The following GPR83 variants were observed in gnomAD, a reference collection of about 807,000 sequenced individuals.
GPR83 encodes the protein G protein-coupled receptor 83, also known as G-protein coupled receptor 72.
GPR83 carries 23 observed loss-of-function variants against 28.0 expected under a neutral mutation model. That is an observed-to-expected ratio of 0.82 (90% confidence interval 0.59 to 1.16). The LOEUF is 1.16. Among genes scored for constraint, GPR83 ranks in the 50% most tolerant of loss-of-function variants. The pLI is 0.00. For missense variants in GPR83, 610 were observed against 536.6 expected (o/e 1.14, Z -1.35); for synonymous variants, 234 against 215.4 (o/e 1.09, Z -0.76).
chr11:94,385,845 G>C (rs1045203325), intron 3 of GPR83, among the ~76,000 whole-genome samples: 2 of 152,136 alleles, frequency 1.3e-5, no homozygotes, highest in African/African-American at 4.8e-5. Context: ...GAAATACAGA[G>C]AATGCCACAA....
chr11:94,393,036 T>A (rs1944832219), intron 3 of GPR83, among the ~76,000 whole-genome samples: 1 of 152,078 alleles, frequency 6.6e-6, no homozygotes, highest in Non-Finnish European at 1.5e-5. Flanking sequence ...GACGTTCTCA[T>A]TCAGTGATAG....
intron 1 of GPR83, among the ~76,000 whole-genome samples, chr11:94,398,421 CT>C (rs1408411377): frequency 2.6e-5 from 4 of 152,198 alleles, no homozygotes; most frequent in Admixed American, 2.6e-4. Flanking sequence ...ACAAAGTGAA[CT>C]TTGATGCTTC....
chr11:94,380,444 A>G lies in GPR83; in HGVS notation c.977T>C (p.Leu326Pro). ...GGCAAACCAGTGGAAGGCAAAGTAG[A>G]GGGCATTGTTGGTGCGGATGACCTT... ...SSKVIRTNNA[L>P]YFAFHWFAMS... Residue 326 changes from leucine to proline, a missense_variant, in exon 4 of 4, where the codon CTC becomes CCC. Physicochemically the swap from Leu to Pro is moderately conservative, Grantham distance 98. Transcript: ENST00000243673. 1 of 1,614,170 alleles carries G rather than the reference A, an allele frequency of 6.2e-7. No homozygotes were observed. Among genetic ancestry groups the G allele is most frequent in the Non-Finnish European group, 8.5e-7 (1 of 1,180,004 alleles).
chr11:94,381,558 A>AGT (rs56180709), intron 3 of GPR83, among the ~76,000 whole-genome samples: 14,367 of 148,002 alleles, frequency 0.097, 716 homozygotes, highest in South Asian at 0.19. Context: ...GGAGTGAGTG[A>AGT]GTGTGTGTGT....
chr11:94,399,759 T>C lies in GPR83; in HGVS notation c.387+1102A>G, dbSNP rs140948508. 2.9e-3 allele frequency among the ~76,000 whole-genome samples: 436 copies of C among 152,328 alleles called. 3 individuals carry two copies. Among genetic ancestry groups the C allele is most frequent in the African/African-American group, 9.9e-3 (413 of 41,572 alleles). On this transcript the variant is annotated intron_variant, in intron 1 of 3. Coordinates refer to ENST00000243673, the MANE Select transcript of GPR83 (RefSeq NM_016540.4). Reference sequence around the variant, plus strand: ...AGTAATCACTCAAATGACAAAGTTATTCCATAAAATGAAAAAATATAACAC... The same window carrying C: ...AGTAATCACTCAAATGACAAAGTTACTCCATAAAATGAAAAAATATAACAC...
intron 2 of GPR83, among the ~76,000 whole-genome samples, chr11:94,395,110 A>C (rs1944853724): frequency 6.6e-6 from 1 of 152,210 alleles, no homozygotes; most frequent in African/African-American, 2.4e-5. Flanking sequence ...AGAGATAAAG[A>C]GATCTCAAAT....
At chr11:94,395,325 T>TC (rs1944855897) in intron 2 of GPR83, among the ~76,000 whole-genome samples, 1 of 152,204 alleles carries the variant, frequency 6.6e-6, no homozygotes, top group African/African-American at 2.4e-5. Context: ...AAGCCTCCTA[T>TC]CCCGTGGTCC....
In GPR83 at chr11:94,379,279, G is replaced by A. The variant is rs1944655999; in HGVS notation, c.*870C>T. 2 of 150,868 alleles carry A rather than the reference G, an allele frequency of 1.3e-5. No individual in the cohort carries two copies. The highest frequency in any genetic ancestry group is 6.6e-5 in the Admixed American group (1 of 15,134). The allele number at this position is 150,868 out of a possible 1,614,324, so 9.3% of individuals were successfully genotyped here. On this transcript the variant is annotated 3_prime_UTR_variant, in exon 4 of 4. Transcript: ENST00000243673. ...CCAGCTACTAGGGAGGCTGAGGCAG[G>A]AGAACGGCATGAACCTGGGAGGCAG... is the stretch of plus-strand genomic sequence containing the variant.
intron 3 of GPR83, among the ~76,000 whole-genome samples, chr11:94,384,592 C>T (rs959552188): frequency 6.6e-6 from 1 of 152,114 alleles, no homozygotes; most frequent in African/African-American, 2.4e-5. Context: ...CTTTCCTAGC[C>T]AAGGAAAGGG....
rs1944906784 is a variant in GPR83 at position 94,401,061 on chromosome 11, C to A, written c.187G>T (p.Ala63Ser). 3.7e-6 allele frequency: 6 copies of A among 1,614,200 alleles called. No homozygotes were observed. The highest frequency in any genetic ancestry group is 5.1e-6 in the Non-Finnish European group (6 of 1,179,996). ...QNFVGRRRYG[A>S]ESQNPTVKAL... ...TTCACCGTGGGGTTCTGGGACTCAG[C>A]GCCGTAGCGCCTCCTGCCCACAAAG... The change falls in exon 1 of 4, where the codon GCT (alanine) becomes TCT (serine). Residue 63 changes from alanine to serine, a missense_variant. Ala to Ser is a moderately conservative substitution (Grantham distance 99). Coordinates refer to ENST00000243673, the MANE Select transcript of GPR83 (RefSeq NM_016540.4).
chr11:94,389,181 G>T (rs1591604746), intron 3 of GPR83, among the ~76,000 whole-genome samples: 1 of 152,148 alleles, frequency 6.6e-6, no homozygotes, highest in Admixed American at 6.5e-5. Flanking sequence ...ATTCAAGATG[G>T]ATTAAAGACT....
At chr11:94,400,770 G>C (rs1944903552) in intron 1 of GPR83, 91 bp downstream of exon 1, 1 of 1,172,510 alleles carries the variant, frequency 8.5e-7, no homozygotes, top group Middle Eastern at 2.4e-4. Flanking sequence ...GACCCACAGG[G>C]AGACGCAGAA....
At chr11:94,394,935 TG>T (rs1944852210) in intron 2 of GPR83, among the ~76,000 whole-genome samples, 1 of 152,192 alleles carries the variant, frequency 6.6e-6, no homozygotes, top group Non-Finnish European at 1.5e-5. Flanking sequence ...TGCGTTAATC[TG>T]GGGTAAGCAT....
chr11:94,386,047 C>T (rs1944751361), intron 3 of GPR83, among the ~76,000 whole-genome samples: 1 of 152,204 alleles, frequency 6.6e-6, no homozygotes, highest in Admixed American at 6.5e-5. Context: ...CAATATTCAA[C>T]ACTCTTAAAG....
intron 3 of GPR83, among the ~76,000 whole-genome samples, chr11:94,381,897 G>A (rs903778251): frequency 6.6e-5 from 10 of 152,124 alleles, no homozygotes; most frequent in Non-Finnish European, 1.5e-4. Flanking sequence ...GTGGGGCAGG[G>A]GCAGCTTCCC....
intron 3 of GPR83, among the ~76,000 whole-genome samples, chr11:94,382,867 T>G (rs967742506): frequency 6.6e-6 from 1 of 151,984 alleles, no homozygotes; most frequent in Admixed American, 6.6e-5. Context: ...AACTCAGGAT[T>G]AAGAAACTCA....
At chr11:94,387,573 T>C (rs186052651) in intron 3 of GPR83, among the ~76,000 whole-genome samples, 55 of 152,074 alleles carry the variant, frequency 3.6e-4, no homozygotes, top group African/African-American at 1.2e-3. Context: ...AACTAGAAAA[T>C]CTGGAAGAAA....
In GPR83 at chr11:94,378,330, C is replaced by A. The variant is rs1019411359; in HGVS notation, c.*1819G>T. 1.3e-5 allele frequency: 2 copies of A among 152,210 alleles called. No individual in the cohort carries two copies. The highest frequency in any genetic ancestry group is 2.9e-5 in the Non-Finnish European group (2 of 68,046). 9.4% of individuals were successfully genotyped at this position (152,210 alleles called of 1,614,324 possible). A position where few individuals can be genotyped will look rare whatever the true frequency, so the allele number is the denominator to read the frequency against. On this transcript the variant is annotated 3_prime_UTR_variant, in exon 4 of 4. Coordinates refer to ENST00000243673, the MANE Select transcript of GPR83 (RefSeq NM_016540.4). ...AGTGACAAACTCTTTCTCCCTCAAA[C>A]CTTAGTTTCCTACTGAGCTCATATC...
chr11:94,387,843 C>T (rs1944776132), intron 3 of GPR83, among the ~76,000 whole-genome samples: 1 of 152,168 alleles, frequency 6.6e-6, no homozygotes, highest in South Asian at 2.1e-4. Flanking sequence ...CCAGCATCGT[C>T]CTGATACCAA....
Sources: gnomAD v4.1 joint callset for allele counts (sites outside exome capture counted in the v4.1 genomes callset) on GRCh38, gnomAD v4.1.1 for gene constraint, MANE v1.5 for transcripts, NCBI Gene and HGNC (gene_info 2026-07-23, HGNC 2026-07-21) for gene names.